Variants in MACF1 observed in about 807,000 individuals in gnomAD.
The protein encoded by MACF1 is microtubule actin crosslinking factor 1.
Under a neutral mutation model 854.8 loss-of-function variants are expected in MACF1, and 193 were observed. The observed-to-expected ratio is 0.23, with a 90% CI of 0.20 to 0.25. The LOEUF is 0.25. Ranked by LOEUF, MACF1 falls within the 10% of genes least tolerant of loss-of-function variation. The pLI, the probability that MACF1 is intolerant of heterozygous loss-of-function variation, is 1.00. For synonymous variants in MACF1, 3,185 were observed against 3,226.7 expected, an observed-to-expected ratio of 0.99 and a Z score of 0.44; for missense variants, 7,722 against 8,929.1, an observed-to-expected ratio of 0.86 and a Z score of 5.45.
intron 21 of MACF1, among the ~76,000 whole-genome samples, chr1:39,298,011 A>G (rs920388019): frequency 3.3e-5 from 5 of 152,112 alleles, no homozygotes; most frequent in Admixed American, 6.5e-5. Flanking sequence ...CTTTGAGCTC[A>G]TTGTACTTTC....
intron 58 of MACF1, among the ~76,000 whole-genome samples, chr1:39,416,833 T>G (rs1643332086): frequency 6.6e-6 from 1 of 152,214 alleles, no homozygotes; most frequent in Admixed American, 6.5e-5. Flanking sequence ...TGCCTATATC[T>G]GTGTACAGGA....
intron 43 of MACF1, among the ~76,000 whole-genome samples, chr1:39,352,700 G>T (rs1423004045): frequency 6.6e-6 from 1 of 151,712 alleles, no homozygotes. Flanking sequence ...TGTATTTTTA[G>T]TAGAGATGGG....
intron 1 of MACF1, among the ~76,000 whole-genome samples, chr1:39,222,166 C>G (rs986716852): frequency 6.6e-6 from 1 of 152,094 alleles, no homozygotes; most frequent in African/African-American, 2.4e-5. Context: ...TTGCTGTCAC[C>G]CAGGCTGGAG....
Position 39,357,485 on chromosome 1 carries a change from G to C in MACF1, c.11535G>C (p.Gln3845His), listed in dbSNP as rs376279263. The change falls in exon 45 of 101, where the codon CAG (glutamine) becomes CAC (histidine). Residue 3845 changes from glutamine (Q) to histidine (H), a missense_variant. By Grantham distance (24) the Gln-to-His change is conservative. This residue lies in a region of MACF1 where 2,807 missense variants were observed against 3,235.8 expected (regional missense o/e 0.87). Coordinates refer to ENST00000564288, the MANE Select transcript of MACF1 (RefSeq NM_001394062.1). Reference sequence around the variant, plus strand: ...ACAATCTCACACCTGAGGAGCAACAGATGCTGCAACAGAAGCTGGGAGAGC... The same window carrying C: ...ACAATCTCACACCTGAGGAGCAACACATGCTGCAACAGAAGCTGGGAGAGC... ...HGHNLTPEEQ[Q>H]MLQQKLGELK... The C allele has an allele frequency of 6.2e-7, 1 of 1,614,048 alleles. No homozygotes were observed. The highest frequency in any genetic ancestry group is 8.5e-7 in the Non-Finnish European group (1 of 1,180,040).
chr1:39,306,187 T>C (rs1646171400), intron 23 of MACF1, among the ~76,000 whole-genome samples: 1 of 150,716 alleles, frequency 6.6e-6, no homozygotes, highest in East Asian at 1.9e-4. Context: ...TGAGACGGAG[T>C]CTCCCTCTGT....
rs138439058 is a variant in MACF1 at position 39,149,427 on chromosome 1, G to A, written c.220+64989G>A. Among the ~76,000 whole-genome samples the A allele has an allele frequency of 1.3e-4, 20 of 152,128 alleles. No individual in the cohort carries two copies. In the East Asian group the frequency reaches 3.9e-3, roughly 29 times the overall value. Reference sequence around the variant, plus strand: ...AATCCCAACTACTCGGGAGGCTGAGGTGAGGCAGGAGAATCACTTGAACCG... The same window carrying A: ...AATCCCAACTACTCGGGAGGCTGAGATGAGGCAGGAGAATCACTTGAACCG... On this transcript the variant is annotated intron_variant, in intron 2 of 93. Coordinates refer to the MACF1 transcript ENST00000361689.
At chr1:39,113,783 C>A (rs1411701913) in intron 2 of MACF1, among the ~76,000 whole-genome samples, 1 of 152,136 alleles carries the variant, frequency 6.6e-6, no homozygotes, top group African/African-American at 2.4e-5. Context: ...CACCTGTAAT[C>A]CCAGCACTTT....
intron 35 of MACF1, among the ~76,000 whole-genome samples, chr1:39,326,680 CAAAAAAAAAA>C (rs57108021): frequency 1.4e-5 from 1 of 72,750 alleles, no homozygotes; most frequent in East Asian, 3.9e-4. Context: ...GACTCCATCT[CAAAAAAAAAA>C]AAAAAAAAAA....
At chr1:39,358,907 A>C in intron 46 of MACF1, 34 bp downstream of exon 46, 4 of 1,574,332 alleles carry the variant, frequency 2.5e-6, no homozygotes, top group Non-Finnish European at 3.4e-6. Context: ...TGTGGTGTCA[A>C]GACCTTGTAT....
chr1:39,302,265 T>C (rs1646063809), intron 22 of MACF1, among the ~76,000 whole-genome samples: 1 of 152,216 alleles, frequency 6.6e-6, no homozygotes. Flanking sequence ...TCAGAAGTGC[T>C]GGGATTATAG....
At chr1:39,326,237 T>C (rs1302268228) in intron 35 of MACF1, among the ~76,000 whole-genome samples, 4 of 152,154 alleles carry the variant, frequency 2.6e-5, no homozygotes, top group Non-Finnish European at 5.9e-5. Flanking sequence ...GAGTTCATTC[T>C]CAGAAACATA....
chr1:39,273,297 G>A (rs183138023), intron 6 of MACF1, among the ~76,000 whole-genome samples: 4 of 150,716 alleles, frequency 2.7e-5, no homozygotes, highest in East Asian at 2.0e-4. Flanking sequence ...CCCCCACCAC[G>A]CCCAGCTATA....
chr1:39,283,201 A>C lies in MACF1; in HGVS notation c.708A>C (p.Val236=). 1.9e-6 allele frequency: 3 copies of C among 1,611,216 alleles called. No individual in the cohort carries two copies. Among genetic ancestry groups the C allele is most frequent in the Non-Finnish European group, 2.5e-6 (3 of 1,177,392 alleles). ...TGGACTTTTACAGACCCGATCTAGTAGACATGGAGAGGGTGCAAATCCAAA... is the reference window on the plus strand; with the variant it reads ...TGGACTTTTACAGACCCGATCTAGTCGACATGGAGAGGGTGCAAATCCAAA... ...ALIHRYRPDL[V]DMERVQIQSN... Residue 236 remains valine (V), a synonymous_variant, in exon 8 of 101, where the codon GTA becomes GTC. Coordinates refer to ENST00000564288, the MANE Select transcript of MACF1 (RefSeq NM_001394062.1). The surrounding 1 kb of genome is among the most constrained non-coding windows in gnomAD (Gnocchi z 4.5).
chr1:39,167,099 T>C (rs922338525), intron 2 of MACF1, among the ~76,000 whole-genome samples: 1 of 151,870 alleles, frequency 6.6e-6, no homozygotes, highest in Non-Finnish European at 1.5e-5. Flanking sequence ...GTAGCTGGGA[T>C]TACAGGCGCC....
At chr1:39,268,524 G>T (rs986724872) in intron 6 of MACF1, 6 of 1,151,234 alleles carry the variant, frequency 5.2e-6, no homozygotes, top group Non-Finnish European at 6.5e-6. Flanking sequence ...TGAATCGGCA[G>T]CGGCTGGAAG....
chr1:39,124,205 C>T lies in MACF1; in HGVS notation c.220+39767C>T, dbSNP rs561300280. Reference sequence around the variant, plus strand: ...CAGGCCCCCAGGTGGTTTTTTAATTCGATTCTGTGCCCGTTAAAGTTTGAG... The same window carrying T: ...CAGGCCCCCAGGTGGTTTTTTAATTTGATTCTGTGCCCGTTAAAGTTTGAG... On this transcript the variant is annotated intron_variant, in intron 2 of 93. Transcript: ENST00000361689. 1.1e-4 allele frequency among the ~76,000 whole-genome samples: 16 copies of T among 152,020 alleles called. No individual in the cohort carries two copies. In the South Asian group the frequency reaches 3.1e-3, roughly 30 times the overall value.
intron 21 of MACF1, chr1:39,298,759 T>C (rs1645977317): frequency 5.2e-6 from 2 of 381,176 alleles, no homozygotes; most frequent in Non-Finnish European, 1.0e-5. Flanking sequence ...ACTTTTCAGA[T>C]GTTGTCTCTA....
chr1:39,471,543 C>CA lies in MACF1; in HGVS notation c.21958+1929dup, dbSNP rs1319425237. 2.0e-5 allele frequency among the ~76,000 whole-genome samples: 3 copies of CA among 152,116 alleles called. No homozygotes were observed. In the South Asian group the frequency reaches 6.2e-4, roughly 32 times the overall value. On this transcript the variant is annotated intron_variant, in intron 97 of 100. Transcript: ENST00000564288. Reference sequence around the variant, plus strand: ...TCTCAAACTGCATGTAGCTTTTAGTCATGTGTAAAAAAATGAAAATATTTT... The same window carrying CA: ...TCTCAAACTGCATGTAGCTTTTAGTCAATGTGTAAAAAAATGAAAATATTTT...
chr1:39,130,845 CTT>C (rs994652573), intron 2 of MACF1, among the ~76,000 whole-genome samples: 1 of 145,274 alleles, frequency 6.9e-6, no homozygotes, highest in African/African-American at 2.5e-5. Context: ...CTTTTCTTTA[CTT>C]TTTTTTTTTT....
Sources: gnomAD v4.1 joint callset for allele counts (sites outside exome capture counted in the v4.1 genomes callset) on GRCh38, gnomAD v4.1.1 for gene constraint, gnomAD v4.1.1 regional missense constraint, Gnocchi (gnomAD v3.1) non-coding constraint, MANE v1.5 for transcripts, NCBI Gene and HGNC (gene_info 2026-07-23, HGNC 2026-07-21) for gene names.